FHIT: variants seen among roughly 807,000 people sequenced by gnomAD.
FHIT encodes the protein fragile histidine triad diadenosine triphosphatase.
In FHIT, 19 loss-of-function variants were observed where a neutral mutation model predicts 17.9. The ratio of observed to expected loss-of-function variants is 1.06; its 90% CI spans 0.74 to 1.56. The LOEUF (loss-of-function observed/expected upper bound fraction) is 1.56. Ranked by LOEUF, FHIT falls within the 40% of genes most tolerant of loss-of-function variation. The pLI is 0.00. For missense variants in FHIT, 248 were observed against 189.2 expected (o/e 1.31, Z -1.82); for synonymous variants, 81 against 69.7 (o/e 1.16, Z -0.81).
At chr3:60,173,915 A>G (rs1461344359) in intron 5 of FHIT, among the ~76,000 whole-genome samples, 3 of 66,444 alleles carry the variant, frequency 4.5e-5, no homozygotes, top group Non-Finnish European at 8.3e-5. Context: ...ATATATATAT[A>G]TGTTTTTTTT....
intron 5 of FHIT, among the ~76,000 whole-genome samples, chr3:60,433,096 A>C (rs1354423561): frequency 6.6e-6 from 1 of 152,048 alleles, no homozygotes; most frequent in Non-Finnish European, 1.5e-5. Context: ...CCCTGCCCCC[A>C]TCACTATCCC....
intron 5 of FHIT, among the ~76,000 whole-genome samples, chr3:60,092,474 T>C (rs778018141): frequency 6.6e-6 from 1 of 152,212 alleles, no homozygotes; most frequent in Non-Finnish European, 1.5e-5. Flanking sequence ...AAAATCATGC[T>C]TTTACAATGT....
chr3:60,792,361 CACTT>C (rs1553728771), intron 4 of FHIT, among the ~76,000 whole-genome samples: 443 of 152,330 alleles, frequency 2.9e-3, no homozygotes, highest in African/African-American at 1.0e-2. Flanking sequence ...CACACACACA[CACTT>C]ACACAGAGAG....
Position 59,750,587 on chromosome 3 carries a change from TC to T in FHIT, c.*6-1009del, listed in dbSNP as rs1320129809. Reference sequence around the variant, plus strand: ...AGCCTCTGTTATAGCACTTGCCATATCCCCCCAGGCAACTGAGTGCAGAGCT... The same window carrying T: ...AGCCTCTGTTATAGCACTTGCCATATCCCCCAGGCAACTGAGTGCAGAGCT... On this transcript the variant is annotated intron_variant, in intron 9 of 9. Transcript: ENST00000492590. The T allele has an allele frequency of 1.8e-5, 4 of 224,880 alleles. No individual in the cohort carries two copies. In the East Asian group the frequency reaches 2.6e-4, roughly 14 times the overall value. The allele number at this position is 224,880 out of a possible 1,614,324, so 13.9% of individuals were successfully genotyped here.
chr3:60,748,204 G>C (rs1358308822), intron 4 of FHIT, among the ~76,000 whole-genome samples: 3 of 152,142 alleles, frequency 2.0e-5, no homozygotes, highest in African/African-American at 7.2e-5. Context: ...AAGGAAGTTT[G>C]CAGGCAAGGT....
At chr3:60,810,743 A>C (rs1701547786) in intron 4 of FHIT, among the ~76,000 whole-genome samples, 1 of 152,098 alleles carries the variant, frequency 6.6e-6, no homozygotes, top group African/African-American at 2.4e-5. Flanking sequence ...AGATATTTAA[A>C]GTTCTCTGGA....
chr3:60,862,979 C>A (rs1051105743), intron 3 of FHIT, among the ~76,000 whole-genome samples: 13 of 152,012 alleles, frequency 8.6e-5, no homozygotes, highest in African/African-American at 3.1e-4. Context: ...GGAAGGTTAT[C>A]TTGAATTATC....
At chr3:61,164,919 C>T (rs1187094267) in intron 2 of FHIT, among the ~76,000 whole-genome samples, 2 of 152,204 alleles carry the variant, frequency 1.3e-5, no homozygotes, top group Non-Finnish European at 2.9e-5. Flanking sequence ...CATTAATGCA[C>T]TTAGGATAAT....
At chr3:60,954,274 A>T (rs965212247) in intron 3 of FHIT, among the ~76,000 whole-genome samples, 2 of 152,222 alleles carry the variant, frequency 1.3e-5, no homozygotes, top group Admixed American at 6.5e-5. Context: ...ATATGCATGA[A>T]TGTATATCAG....
At chr3:60,391,215 A>ACAAG (rs35953173) in intron 5 of FHIT, among the ~76,000 whole-genome samples, 140,408 of 151,938 alleles carry the variant, frequency 0.92, 65,579 homozygotes, top group East Asian at 1. Flanking sequence ...AAACAAACAA[A>ACAAG]CAAACAAAAA....
chr3:61,116,610 C>T (rs1310675327), intron 2 of FHIT, among the ~76,000 whole-genome samples: 2 of 152,080 alleles, frequency 1.3e-5, no homozygotes, highest in African/African-American at 4.8e-5. Context: ...CATTCTCTCA[C>T]ACTAGAGGTA....
chr3:60,627,210 A>C (rs1432915831), intron 4 of FHIT, among the ~76,000 whole-genome samples: 1 of 152,120 alleles, frequency 6.6e-6, no homozygotes, highest in Non-Finnish European at 1.5e-5. Flanking sequence ...TGTAGTGATA[A>C]TTTTTGGAAG....
chr3:60,931,490 G>A (rs568924898), intron 3 of FHIT, among the ~76,000 whole-genome samples: 8 of 152,076 alleles, frequency 5.3e-5, no homozygotes, highest in East Asian at 1.9e-4. Context: ...ATGACATTTC[G>A]GAGGCCCCTA....
chr3:60,586,571 G>A (rs2037913609), intron 4 of FHIT, among the ~76,000 whole-genome samples: 1 of 151,954 alleles, frequency 6.6e-6, no homozygotes, highest in Admixed American at 6.6e-5. Context: ...ATTCACAAAA[G>A]CAAAGACATG....
chr3:60,082,543 A>C (rs2223085), intron 5 of FHIT, among the ~76,000 whole-genome samples: 1 of 152,012 alleles, frequency 6.6e-6, no homozygotes, highest in East Asian at 1.9e-4. Flanking sequence ...TCACTGAAAA[A>C]CCTCCCAACT....
At chr3:60,849,270 C>T (rs142382663) in intron 3 of FHIT, among the ~76,000 whole-genome samples, 2,092 of 151,754 alleles carry the variant, frequency 0.014, 46 homozygotes, top group African/African-American at 0.047. Context: ...ACAAGGAATA[C>T]TATTTGGCTT....
At chr3:59,826,869 CTG>C (rs1700996986) in intron 8 of FHIT, among the ~76,000 whole-genome samples, 1 of 152,220 alleles carries the variant, frequency 6.6e-6, no homozygotes, top group Non-Finnish European at 1.5e-5. Flanking sequence ...TTTTTTTACA[CTG>C]TGTTTCCACT....
At chr3:60,614,459 C>G (rs1330824335) in intron 4 of FHIT, among the ~76,000 whole-genome samples, 2 of 152,128 alleles carry the variant, frequency 1.3e-5, no homozygotes, top group African/African-American at 4.8e-5. Context: ...CACAAATTAT[C>G]TGGGCATGGT....
chr3:59,863,072 T>A (rs1472620195), intron 8 of FHIT, among the ~76,000 whole-genome samples: 3 of 152,168 alleles, frequency 2.0e-5, no homozygotes, highest in African/African-American at 7.2e-5. Flanking sequence ...AATAGTCCTA[T>A]CCGAGGAATA....
Sources: gnomAD v4.1 joint callset for allele counts (sites outside exome capture counted in the v4.1 genomes callset) on GRCh38, gnomAD v4.1.1 for gene constraint, MANE v1.5 for transcripts, NCBI Gene and HGNC (gene_info 2026-07-23, HGNC 2026-07-21) for gene names.